The following EVI5L variants were observed in gnomAD, a reference collection of about 807,000 sequenced individuals.
EVI5L encodes the protein EVI5-like protein.
In EVI5L, 30 loss-of-function variants were observed where a neutral mutation model predicts 106.1. The ratio of observed to expected loss-of-function variants is 0.28; its 90% CI spans 0.21 to 0.38. EVI5L has a LOEUF of 0.38. EVI5L is among the 10% of genes least tolerant of loss of function. The probability of loss-of-function intolerance (pLI) is 1.00; values close to 1 mark genes in which losing one functional copy is unlikely to be tolerated. For missense variants in EVI5L, 809 were observed against 1,098.0 expected, an observed-to-expected ratio of 0.74 and a Z score of 3.72; for synonymous variants, 489 against 483.3, an observed-to-expected ratio of 1.01 and a Z score of -0.15.
At chr19:7,849,896 G>A (rs1487391892) in intron 5 of EVI5L, 101 bp from the exon 6 acceptor site, 13 of 923,150 alleles carry the variant, frequency 1.4e-5, no homozygotes, top group South Asian at 1.1e-4. Flanking sequence ...GCCAGGTACC[G>A]ACATGGACAT....
chr19:7,853,213 G>C, intron 9 of EVI5L, 30 bp downstream of exon 9: 1 of 1,614,030 alleles, frequency 6.2e-7, no homozygotes, highest in Non-Finnish European at 8.5e-7. Flanking sequence ...CCAGGGTACT[G>C]GTAAGAAGGG....
In EVI5L at chr19:7,842,944, C is replaced by T. The variant is rs536562415; in HGVS notation, c.-47-3552C>T. 9.1e-5 allele frequency among the ~76,000 whole-genome samples: 13 copies of T among 142,512 alleles called. No individual in the cohort carries two copies. In the South Asian group the frequency reaches 1.9e-3, roughly 21 times the overall value. 93.5% of individuals were successfully genotyped at this position (142,512 alleles called of 152,430 possible). On this transcript the variant is annotated intron_variant, in intron 1 of 19. Transcript: ENST00000538904. Reference sequence around the variant, plus strand: ...TGAAGGTACCGGGTGTGCGTGTATCCGAATGTGTGCATATGTGTAAACGTG... The same window carrying T: ...TGAAGGTACCGGGTGTGCGTGTATCTGAATGTGTGCATATGTGTAAACGTG...
At chr19:7,838,857 C>T (rs769407221) in intron 1 of EVI5L, among the ~76,000 whole-genome samples, 4 of 151,984 alleles carry the variant, frequency 2.6e-5, no homozygotes, top group Admixed American at 6.6e-5. Context: ...ATGGCCAAAC[C>T]GGCCAGGCAC....
At chr19:7,833,145 CTTTG>C (rs766271341) in intron 1 of EVI5L, among the ~76,000 whole-genome samples, 2 of 152,262 alleles carry the variant, frequency 1.3e-5, no homozygotes, top group South Asian at 2.1e-4. Context: ...GGAGCTGCAT[CTTTG>C]TTTGAGCTTT....
At position 7,862,500 on chromosome 19, in the gene EVI5L, A is replaced by G; in HGVS notation, c.1913A>G (p.Glu638Gly). Reference sequence around the variant, plus strand: ...AAGGGGCTGCAGACGCAGCTCAGCGAAAGCCGCCGCAAGCAGGCCGAGGCC... The same window carrying G: ...AAGGGGCTGCAGACGCAGCTCAGCGGAAGCCGCCGCAAGCAGGCCGAGGCC... ...QNKGLQTQLSESRRKQAEAEC... is the reference protein window; with the variant it reads ...QNKGLQTQLSGSRRKQAEAEC... The change falls in exon 17 of 20, where the codon GAA becomes GGA. Residue 638 changes from glutamate (E) to glycine (G), a missense_variant. By Grantham distance (98) the Glu-to-Gly change is moderately conservative (BLOSUM62 -2). Coordinates refer to ENST00000538904, the MANE Select transcript of EVI5L (RefSeq NM_001159944.3). 1 of 1,570,168 alleles carries G rather than the reference A, an allele frequency of 6.4e-7. No individual in the cohort carries two copies. The highest frequency in any genetic ancestry group is 8.6e-7 in the Non-Finnish European group (1 of 1,159,234).
chr19:7,854,743 G>T (rs1979440502), intron 10 of EVI5L, among the ~76,000 whole-genome samples: 1 of 152,186 alleles, frequency 6.6e-6, no homozygotes, highest in African/African-American at 2.4e-5. Context: ...TTGCTATGAG[G>T]ACCAGAGACC....
chr19:7,852,529 G>A (rs1385779242), intron 8 of EVI5L, among the ~76,000 whole-genome samples: 1 of 149,174 alleles, frequency 6.7e-6, no homozygotes, highest in African/African-American at 2.5e-5. Context: ...AGCCTCCTTG[G>A]CCTGCTTTTC....
At position 7,857,406 on chromosome 19, in the gene EVI5L, AC is replaced by A; in HGVS notation, c.1233+285del. 1 of 585,042 alleles carries A rather than the reference AC, an allele frequency of 1.7e-6. No homozygotes were observed. Among genetic ancestry groups the A allele is most frequent in the South Asian group, 2.0e-5 (1 of 50,332 alleles). 36.2% of individuals were successfully genotyped at this position (585,042 alleles called of 1,614,324 possible). On this transcript the variant is annotated intron_variant, in intron 12 of 19. Transcript: ENST00000538904. The surrounding 1 kb of genome is among the most constrained non-coding windows in gnomAD (Gnocchi z 4.5). ...TTCCTCCGGGCGACACAGGGTGGGGACCCAGGAGGGCTGGGGAACCTAAAAC... is the reference window on the plus strand; with the variant it reads ...TTCCTCCGGGCGACACAGGGTGGGGACCAGGAGGGCTGGGGAACCTAAAAC...
In EVI5L at chr19:7,857,535, G is replaced by A; in HGVS notation, c.1233+411G>A. ...ACACACGCCCGGCCCTCACGCTGCTGCTCTCTGCTCCTACCTGCAATGCCT... is the reference window on the plus strand; with the variant it reads ...ACACACGCCCGGCCCTCACGCTGCTACTCTCTGCTCCTACCTGCAATGCCT... On this transcript the variant is annotated intron_variant, in intron 12 of 19. Transcript: ENST00000538904. The surrounding 1 kb of genome is among the most constrained non-coding windows in gnomAD (Gnocchi z 4.5). 3.6e-6 allele frequency: 1 copy of A among 279,484 alleles called. No homozygotes were observed. Among genetic ancestry groups the A allele is most frequent in the Non-Finnish European group, 6.8e-6 (1 of 146,216 alleles). 17.3% of individuals were successfully genotyped at this position (279,484 alleles called of 1,614,324 possible). A position where few individuals can be genotyped will look rare whatever the true frequency, so the allele number is the denominator to read the frequency against.
Position 7,847,712 on chromosome 19 carries a change from T to C in EVI5L, c.138-20T>C. ...CCCCAGGGAGTCACTGGTTCCCCTC[T>C]GTCGGCCCTTCCTGCCCAGGCTCCT... On this transcript the variant is annotated intron_variant, in intron 2 of 19. Transcript: ENST00000538904. The C allele has an allele frequency of 6.2e-7, 1 of 1,606,148 alleles. No individual in the cohort carries two copies. The highest frequency in any genetic ancestry group is 8.5e-7 in the Non-Finnish European group (1 of 1,177,758).
rs867547729 is a variant in EVI5L, at chr19:7,860,570, C to T, written c.1384C>T (p.Arg462Cys). 2 of 1,591,488 alleles carry T rather than the reference C, an allele frequency of 1.3e-6. No individual in the cohort carries two copies. Among genetic ancestry groups the T allele is most frequent in the East Asian group, 2.3e-5 (1 of 44,060 alleles). Residue 462 changes from arginine to cysteine, a missense_variant, in exon 14 of 20, where the codon CGC becomes TGC. Around this residue, in one of 2 missense-constraint regions of EVI5L, gnomAD observed 452 missense variants for 509.9 expected, o/e 0.89. Transcript: ENST00000538904. Reference sequence around the variant, plus strand: ...TCTCTGCCTCCCCCAGGAGAACCCCCGCCTCACAGAAGACTTCGTGTCCCA... The same window carrying T: ...TCTCTGCCTCCCCCAGGAGAACCCCTGCCTCACAGAAGACTTCGTGTCCCA... ...RQLQEQQENPRLTEDFVSHLE... is the reference protein window; with the variant it reads ...RQLQEQQENPCLTEDFVSHLE...
At position 7,850,576 on chromosome 19, in the gene EVI5L, C is replaced by T. The variant is rs1021736807; in HGVS notation, c.753+454C>T. 6.6e-6 allele frequency among the ~76,000 whole-genome samples: 1 copy of T among 152,146 alleles called. No individual in the cohort carries two copies. The highest frequency in any genetic ancestry group is 6.5e-5 in the Admixed American group (1 of 15,280). On this transcript the variant is annotated intron_variant, in intron 6 of 19. Transcript: ENST00000538904. This position sits in a 1 kb window ranked among gnomAD's most constrained non-coding sequence, Gnocchi z 5.4. ...CAGGCAGAGCCGCCAAGGCCGTTTG[C>T]GAACATACACACACCCGCATGCATA...
At position 7,858,006 on chromosome 19, in the gene EVI5L, G is replaced by T. The variant is rs1979615221; in HGVS notation, c.1234-185G>T. On this transcript the variant is annotated intron_variant, in intron 12 of 19. Coordinates refer to ENST00000538904, the MANE Select transcript of EVI5L (RefSeq NM_001159944.3). The surrounding 1 kb of genome is among the most constrained non-coding windows in gnomAD (Gnocchi z 5.7). ...GGGCTCCTCCAGGTGTCCTATTCCT[G>T]CCTGTCACCCACCCACGTCCCCAGG... 3 of 649,236 alleles carry T rather than the reference G, an allele frequency of 4.6e-6. No individual in the cohort carries two copies. Among genetic ancestry groups the T allele is most frequent in the East Asian group, 2.8e-5 (1 of 35,430 alleles). The allele number at this position is 649,236 out of a possible 1,614,324, so 40.2% of individuals were successfully genotyped here. A position where few individuals can be genotyped will look rare whatever the true frequency, so the allele number is the denominator to read the frequency against.
rs1490130350 is a variant in EVI5L, at chr19:7,848,269, G to A, written c.327+348G>A. The stretch of plus-strand genomic sequence containing the variant: ...GGAGTTCGAGGCCAGCCTGGGCAAC[G>A]TAATGAGACTCCGACTCTATAAAAA... On this transcript the variant is annotated intron_variant, in intron 3 of 19. Transcript: ENST00000538904. This position sits in a 1 kb window ranked among gnomAD's most constrained non-coding sequence, Gnocchi z 4.8. Among the ~76,000 whole-genome samples the A allele has an allele frequency of 1.3e-5, 2 of 151,952 alleles. No individual in the cohort carries two copies. Among genetic ancestry groups the A allele is most frequent in the Non-Finnish European group, 1.5e-5 (1 of 67,984 alleles).
rs141254631 is a variant in EVI5L at position 7,850,614 on chromosome 19, GAC to G, written c.753+507_753+508del. ...ACCCGCATGCATACACACACACGCA[GAC>G]ACACACACACACACCGGCCCGCCTC... On this transcript the variant is annotated intron_variant, in intron 6 of 19. Transcript: ENST00000538904. This position sits in a 1 kb window ranked among gnomAD's most constrained non-coding sequence, Gnocchi z 5.4. 2.0e-5 allele frequency among the ~76,000 whole-genome samples: 3 copies of G among 151,674 alleles called. No individual in the cohort carries two copies. The highest frequency in any genetic ancestry group is 2.9e-5 in the Non-Finnish European group (2 of 67,832).
rs1256068760 is a variant in EVI5L at position 7,856,974 on chromosome 19, T to G, written c.1201-118T>G. On this transcript the variant is annotated intron_variant, in intron 11 of 19. Transcript: ENST00000538904. The surrounding 1 kb of genome is among the most constrained non-coding windows in gnomAD (Gnocchi z 6.6). Reference sequence around the variant, plus strand: ...GGTCTTCCCTCCTCTCTCCCCCGCTTCTAGAGATAGTCCACTGCGTTAGTG... The same window carrying G: ...GGTCTTCCCTCCTCTCTCCCCCGCTGCTAGAGATAGTCCACTGCGTTAGTG... The G allele has an allele frequency of 2.8e-6, 3 of 1,059,766 alleles. No individual in the cohort carries two copies. In the South Asian group the frequency reaches 4.0e-5, roughly 14 times the overall value. 65.6% of individuals were successfully genotyped at this position (1,059,766 alleles called of 1,614,324 possible). A position where few individuals can be genotyped will look rare whatever the true frequency, so the allele number is the denominator to read the frequency against.
intron 17 of EVI5L, 50 bp from the exon 18 acceptor site, chr19:7,862,922 C>T (rs758701235): frequency 1.5e-6 from 2 of 1,299,396 alleles, no homozygotes; most frequent in Non-Finnish European, 2.1e-6. Flanking sequence ...CCCCCTGATG[C>T]GCCGCGCCCC....
chr19:7,840,396 T>G (rs1978550149), intron 1 of EVI5L, among the ~76,000 whole-genome samples: 1 of 152,122 alleles, frequency 6.6e-6, no homozygotes, highest in Non-Finnish European at 1.5e-5. Flanking sequence ...GAGAATTGCT[T>G]GAACCCGGGA....
Position 7,850,081 on chromosome 19 carries a change from G to A in EVI5L, c.712G>A (p.Glu238Lys), listed in dbSNP as rs762669875. Residue 238 changes from glutamate (E) to lysine (K), a missense_variant, in exon 6 of 20, where the codon GAG (glutamate) becomes AAG (lysine). Around this residue, in one of 2 missense-constraint regions of EVI5L, gnomAD observed 357 missense variants for 588.1 expected, o/e 0.61. Coordinates refer to ENST00000538904, the MANE Select transcript of EVI5L (RefSeq NM_001159944.3). This position sits in a 1 kb window ranked among gnomAD's most constrained non-coding sequence, Gnocchi z 5.4. ...GGAGCTCTTCAAACCCAGCATGGCC[G>A]AGCTCGGGCTCTGCATCTATCAGTT... Reference protein sequence around the residue: ...LRELFKPSMAELGLCIYQFEY... With the variant: ...LRELFKPSMAKLGLCIYQFEY... 11 of 1,605,116 alleles carry A rather than the reference G, an allele frequency of 6.9e-6. No homozygotes were observed. The highest frequency in any genetic ancestry group is 2.2e-5 in the East Asian group (1 of 44,598).
Sources: gnomAD v4.1 joint callset for allele counts (sites outside exome capture counted in the v4.1 genomes callset) on GRCh38, gnomAD v4.1.1 for gene constraint, gnomAD v4.1.1 regional missense constraint, Gnocchi (gnomAD v3.1) non-coding constraint, MANE v1.5 for transcripts, NCBI Gene and HGNC (gene_info 2026-07-23, HGNC 2026-07-21) for gene names.